ECPAS: variants seen among roughly 807,000 people sequenced by gnomAD.
The protein encoded by ECPAS is proteasome adapter and scaffold protein ECM29.
Under a neutral mutation model 255.1 loss-of-function variants are expected in ECPAS, and 70 were observed. That is an observed-to-expected ratio of 0.27 (90% CI 0.23 to 0.33). ECPAS has a LOEUF of 0.33. Among genes scored for constraint, ECPAS ranks in the 10% least tolerant of loss-of-function variants. The probability of loss-of-function intolerance (pLI) is 1.00; values close to 1 mark genes in which losing one functional copy is unlikely to be tolerated. For missense variants in ECPAS, 1,817 were observed against 2,206.4 expected (o/e 0.82, Z 3.54); for synonymous variants, 784 against 775.0 (o/e 1.01, Z -0.19).
In ECPAS at chr9:111,417,875, T is replaced by C. The variant is rs2098206664; in HGVS notation, c.1683+8A>G. Reference sequence around the variant, plus strand: ...TTTAGACTAATTACCTTAAGTTGCATGCCATACCTTTTCTTGGATGTAATA... The same window carrying C: ...TTTAGACTAATTACCTTAAGTTGCACGCCATACCTTTTCTTGGATGTAATA... On this transcript the variant is annotated splice_region_variant and intron_variant, in intron 17 of 49. Transcript: ENST00000684092. The C allele has an allele frequency of 2.6e-6, 4 of 1,551,220 alleles. No individual in the cohort carries two copies. The East Asian group carries it at 7.1e-5, about 28-fold the overall frequency.
intron 48 of ECPAS, 169 bp downstream of exon 48, chr9:111,366,070 C>T: frequency 1.8e-6 from 1 of 546,538 alleles, no homozygotes. Context: ...TGTTATAGTT[C>T]CAGATTTAAA....
chr9:111,402,334 T>C (rs965414281), intron 24 of ECPAS, among the ~76,000 whole-genome samples: 1 of 152,148 alleles, frequency 6.6e-6, no homozygotes, highest in Non-Finnish European at 1.5e-5. Context: ...ACCAGATGTG[T>C]CTTACAAAAA....
At chr9:111,470,372 G>A (rs1212728548) in intron 2 of ECPAS, among the ~76,000 whole-genome samples, 9 of 150,990 alleles carry the variant, frequency 6.0e-5, no homozygotes, top group Admixed American at 2.0e-4. Context: ...GTGCAGTGGC[G>A]CAATCTCTGC....
Position 111,412,118 on chromosome 9 carries a change from G to C in ECPAS, c.2110C>G (p.Arg704Gly). The C allele has an allele frequency of 6.3e-7, 1 of 1,588,184 alleles. No individual in the cohort carries two copies. The highest frequency in any genetic ancestry group is 1.4e-5 in the African/African-American group (1 of 73,052). The change falls in exon 21 of 50, where the codon CGC becomes GGC. Residue 704 changes from arginine (R) to glycine (G), a missense_variant. Physicochemically the swap from Arg to Gly is moderately radical, Grantham distance 125. This residue lies in a region of ECPAS where 573 missense variants were observed against 716.2 expected (regional missense o/e 0.80). Transcript: ENST00000684092. ...GAATAAAACAACGCTGCCAGTTCGC[G>C]CATTTCTTCTTTACTGTTATTCATC... Reference protein sequence around the residue: ...SLMNNSKEEMRELAALFYSVV... With the variant: ...SLMNNSKEEMGELAALFYSVV...
At chr9:111,455,539 T>C (rs2098265802) in intron 2 of ECPAS, among the ~76,000 whole-genome samples, 1 of 152,216 alleles carries the variant, frequency 6.6e-6, no homozygotes, top group Admixed American at 6.5e-5. Context: ...GGCCCATGGC[T>C]GATATCTGGA....
At chr9:111,395,024 G>C (rs897227592) in intron 25 of ECPAS, among the ~76,000 whole-genome samples, 4 of 152,090 alleles carry the variant, frequency 2.6e-5, no homozygotes, top group African/African-American at 9.7e-5. Context: ...CTTTCCTGTT[G>C]CTAAGTCCAA....
chr9:111,454,928 C>T (rs768491663), intron 2 of ECPAS, among the ~76,000 whole-genome samples: 1 of 151,854 alleles, frequency 6.6e-6, no homozygotes, highest in African/African-American at 2.4e-5. Flanking sequence ...GTCTTGAATT[C>T]CTGGCCTCAA....
At chr9:111,390,750 C>A (rs1415340095) in intron 29 of ECPAS, among the ~76,000 whole-genome samples, 1 of 152,158 alleles carries the variant, frequency 6.6e-6, no homozygotes, top group African/African-American at 2.4e-5. Context: ...CAAGGCCCTG[C>A]AACCAGCAAA....
rs545390493 is a variant in ECPAS, at chr9:111,418,761, C to A, written c.1560-755G>T. 3.7e-4 allele frequency among the ~76,000 whole-genome samples: 56 copies of A among 152,266 alleles called. No homozygotes were observed. In the South Asian group the frequency reaches 0.011, roughly 31 times the overall value. ...CAGAGTAAGATACAGCAGTTAAGAG[C>A]TCTATTTGGAAGTCCAACTCCCTAG... On this transcript the variant is annotated intron_variant, in intron 16 of 49. Coordinates refer to ENST00000684092, the MANE Select transcript of ECPAS (RefSeq NM_001364929.1).
At chr9:111,386,493 A>C (rs1451506087) in intron 31 of ECPAS, 37 bp from the exon 32 acceptor site, 2 of 1,198,816 alleles carry the variant, frequency 1.7e-6, no homozygotes, top group South Asian at 2.6e-5. Flanking sequence ...AAAATGCAAA[A>C]TCCATCAATA....
At chr9:111,381,851 A>G (rs1399634675) in intron 35 of ECPAS, among the ~76,000 whole-genome samples, 1 of 152,134 alleles carries the variant, frequency 6.6e-6, no homozygotes. Flanking sequence ...ACACATTGCA[A>G]TCTACTGCAT....
chr9:111,449,563 T>C (rs2098257581), intron 3 of ECPAS, among the ~76,000 whole-genome samples: 1 of 152,014 alleles, frequency 6.6e-6, no homozygotes, highest in African/African-American at 2.4e-5. Flanking sequence ...ACATTTAAAG[T>C]AGATGGACAG....
At chr9:111,396,717 A>T (rs952965072) in intron 25 of ECPAS, among the ~76,000 whole-genome samples, 2 of 152,020 alleles carry the variant, frequency 1.3e-5, no homozygotes, top group African/African-American at 4.8e-5. Context: ...ACGCCCAGCT[A>T]AGTTTTGTAT....
chr9:111,414,103 TAAAA>T, intron 19 of ECPAS, 117 bp from the exon 20 acceptor site: 1 of 539,058 alleles, frequency 1.9e-6, no homozygotes, highest in Non-Finnish European at 3.0e-6. Context: ...TCGGTTCTAT[TAAAA>T]AAAAAAAAAA....
chr9:111,390,985 A>G (rs1589136162), intron 29 of ECPAS, among the ~76,000 whole-genome samples: 1 of 152,302 alleles, frequency 6.6e-6, no homozygotes, highest in East Asian at 1.9e-4. Flanking sequence ...AACTGCCCTG[A>G]GAGCCCAACA....
chr9:111,385,265 C>T (rs1390135593), intron 33 of ECPAS, 72 bp downstream of exon 33: 6 of 794,466 alleles, frequency 7.6e-6, no homozygotes, highest in Middle Eastern at 3.6e-4. Flanking sequence ...TTTTGACATA[C>T]ACAACATAAA....
chr9:111,368,672 C>T (rs1295576113), intron 46 of ECPAS, among the ~76,000 whole-genome samples: 4 of 152,152 alleles, frequency 2.6e-5, no homozygotes, highest in Non-Finnish European at 4.4e-5. Flanking sequence ...CCAAAGACCA[C>T]GTGAAGACAC....
In ECPAS at chr9:111,420,166, G is replaced by GA. The variant is rs760855836; in HGVS notation, c.1456-47dup. On this transcript the variant is annotated intron_variant, in intron 15 of 49. Transcript: ENST00000684092. ...CACAGACCACCCCGATCCGAAAAAG[G>GA]AAAAAAAAAATCAATTACCAGCCAT... 3.3e-3 allele frequency: 4,016 copies of GA among 1,215,706 alleles called. 2 individuals carry two copies. The highest frequency in any genetic ancestry group is 3.6e-3 in the Non-Finnish European group (3,084 of 860,092). The allele number at this position is 1,215,706 out of a possible 1,614,324, so 75.3% of individuals were successfully genotyped here. A position where few individuals can be genotyped will look rare whatever the true frequency, so the allele number is the denominator to read the frequency against.
In ECPAS at chr9:111,420,033, G is replaced by A; in HGVS notation, c.1543C>T (p.Leu515=). The A allele has an allele frequency of 1.9e-6, 3 of 1,608,410 alleles. No individual in the cohort carries two copies. The highest frequency in any genetic ancestry group is 1.7e-6 in the Non-Finnish European group (2 of 1,175,354). The change falls in exon 16 of 50, where the codon CTG becomes TTG. Residue 515 remains leucine, a synonymous_variant. Transcript: ENST00000684092. ...DHIPSRYLLL[L]AAGDPREEVH... is the part of the protein sequence containing the mutation. ...GAAACTTACGGATCTCCTGCAGCCA[G>A]TAGCAGCAAATATCTGGAAGGGATA... is the stretch of plus-strand genomic sequence containing the variant.
Sources: allele counts gnomAD v4.1 joint callset (sites outside exome capture counted in the v4.1 genomes callset), GRCh38; gene constraint gnomAD v4.1.1; regional missense constraint gnomAD v4.1.1; transcripts MANE v1.5; gene names NCBI Gene and HGNC (gene_info 2026-07-23, HGNC 2026-07-21).